ANTXRL: variants seen among roughly 807,000 people sequenced by gnomAD.
The protein encoded by ANTXRL is ANTXR like, also known as anthrax toxin receptor-like.
Under a neutral mutation model 75.4 loss-of-function variants are expected in ANTXRL, and 63 were observed. The observed-to-expected ratio is 0.84, with a 90% CI of 0.68 to 1.03. ANTXRL has a LOEUF of 1.03. Ranked by LOEUF, ANTXRL falls within the 50% of genes least tolerant of loss-of-function variation. The probability of loss-of-function intolerance (pLI) is 0.00; values close to 1 mark genes in which losing one functional copy is unlikely to be tolerated. For synonymous variants in ANTXRL, 335 were observed against 291.3 expected, an observed-to-expected ratio of 1.15 and a Z score of -1.53; for missense variants, 797 against 789.4, an observed-to-expected ratio of 1.01 and a Z score of -0.12.
At chr10:46,308,424 CCTCCT>C (rs1554962532) in intron 12 of ANTXRL, 2 of 366,234 alleles carry the variant, frequency 5.5e-6, no homozygotes, top group South Asian at 2.0e-5. Context: ...CCTCCCCTCC[CCTCCT>C]CTCCACTCCC....
chr10:46,289,457 A>G (rs1413926654), intron 1 of ANTXRL, among the ~76,000 whole-genome samples: 9 of 152,198 alleles, frequency 5.9e-5, no homozygotes, highest in Non-Finnish European at 1.0e-4. Context: ...AGCCGGGAGC[A>G]GTAGCTCCCT....
intron 9 of ANTXRL, among the ~76,000 whole-genome samples, chr10:46,298,518 CGT>C (rs148829924): frequency 3.4e-5 from 5 of 148,994 alleles, no homozygotes; most frequent in Non-Finnish European, 6.0e-5. Context: ...AGCATATATG[CGT>C]GTGTGTGTGT....
chr10:46,291,960 G>A, intron 1 of ANTXRL, 98 bp from the exon 2 acceptor site: 1 of 1,134,556 alleles, frequency 8.8e-7, no homozygotes, highest in Non-Finnish European at 1.3e-6. Flanking sequence ...GGTCAGGAGA[G>A]CTTGTTAAGA....
intron 1 of ANTXRL, among the ~76,000 whole-genome samples, chr10:46,288,947 G>C (rs546694741): frequency 4.6e-5 from 7 of 152,284 alleles, no homozygotes; most frequent in Admixed American, 4.6e-4. Flanking sequence ...TTCTAAGGAG[G>C]AGGCAATGAG....
chr10:46,327,557 C>A (rs1839283635), intron 16 of ANTXRL, among the ~76,000 whole-genome samples: 1 of 152,022 alleles, frequency 6.6e-6, no homozygotes, highest in South Asian at 2.1e-4. Context: ...ACTAGCAGGG[C>A]AGGGGCAGGA....
At chr10:46,299,699 A>G (rs1554959982) in intron 9 of ANTXRL, among the ~76,000 whole-genome samples, 1 of 152,214 alleles carries the variant, frequency 6.6e-6, no homozygotes, top group Non-Finnish European at 1.5e-5. Flanking sequence ...GCACACGACC[A>G]GGAGCAAATT....
At chr10:46,307,254 C>G in intron 11 of ANTXRL, 148 bp from the exon 12 acceptor site, 1 of 671,760 alleles carries the variant, frequency 1.5e-6, no homozygotes, top group East Asian at 2.7e-5. Flanking sequence ...CAGGGCCCCT[C>G]ACTGTCTGAC....
At chr10:46,323,025 A>G (rs1397797856) in intron 16 of ANTXRL, among the ~76,000 whole-genome samples, 1 of 152,164 alleles carries the variant, frequency 6.6e-6, no homozygotes, top group Non-Finnish European at 1.5e-5. Flanking sequence ...TTATTTAATG[A>G]GGATCCCACT....
chr10:46,295,797 A>G (rs1588799573), intron 3 of ANTXRL, among the ~76,000 whole-genome samples: 1 of 152,130 alleles, frequency 6.6e-6, no homozygotes. Flanking sequence ...GCCCTGGTGA[A>G]GTTCCCCAGG....
chr10:46,311,611 T>A lies in ANTXRL; in HGVS notation c.1275T>A (p.Thr425=). 2.2e-6 allele frequency: 3 copies of A among 1,377,644 alleles called. No individual in the cohort carries two copies. Among genetic ancestry groups the A allele is most frequent in the Non-Finnish European group, 3.0e-6 (3 of 1,002,458 alleles). 85.3% of individuals were successfully genotyped at this position (1,377,644 alleles called of 1,614,324 possible). The stretch of plus-strand genomic sequence containing the variant: ...CAGCTCCTGTAAACACCTGCCCCAC[T>A]GTGATTATTTGTTGCTGTGGATGCC... ...PPPAPVNTCP[T]VIICCCGCQG... The change falls in exon 15 of 17, where the codon ACT becomes ACA. Residue 425 remains threonine, a synonymous_variant. Transcript: ENST00000620264.
rs1348144166 is a variant in ANTXRL at position 46,287,019 on chromosome 10, AG to A, written c.-241del. 1.8e-6 allele frequency: 1 copy of A among 568,646 alleles called. No individual in the cohort carries two copies. The highest frequency in any genetic ancestry group is 1.9e-5 in the African/African-American group (1 of 53,190). 35.2% of individuals were successfully genotyped at this position (568,646 alleles called of 1,614,324 possible). Reference sequence around the variant, plus strand: ...AACCATAACAGAGAATTCTGTCCCCAGGGTGGGGGAAGGGCCAGGCAGGTAG... The same window carrying A: ...AACCATAACAGAGAATTCTGTCCCCAGGTGGGGGAAGGGCCAGGCAGGTAG... On this transcript the variant is annotated 5_prime_UTR_variant, in exon 1 of 17. Coordinates refer to ENST00000620264, the MANE Select transcript of ANTXRL (RefSeq NM_001278688.3).
At chr10:46,290,706 G>A (rs1316558693) in intron 1 of ANTXRL, among the ~76,000 whole-genome samples, 1 of 152,122 alleles carries the variant, frequency 6.6e-6, no homozygotes, top group Non-Finnish European at 1.5e-5. Flanking sequence ...CTTTTCATGT[G>A]CTTATTGGCC....
intron 14 of ANTXRL, 120 bp downstream of exon 14, chr10:46,310,619 AG>A (rs1838364416): frequency 9.0e-7 from 1 of 1,106,000 alleles, no homozygotes. Flanking sequence ...AAGTTGACAG[AG>A]GGGCAGAATG....
chr10:46,299,634 G>A (rs1837597273), intron 9 of ANTXRL, among the ~76,000 whole-genome samples: 1 of 152,162 alleles, frequency 6.6e-6, no homozygotes, highest in Non-Finnish European at 1.5e-5. Flanking sequence ...GGGTGTCCTG[G>A]CGGTAGGCTG....
chr10:46,294,835 C>CG (rs1837270431), intron 3 of ANTXRL, among the ~76,000 whole-genome samples: 1 of 124,854 alleles, frequency 8.0e-6, no homozygotes, highest in Admixed American at 8.1e-5. Context: ...CTGGGCTGGG[C>CG]AGGCAGGGCT....
chr10:46,310,344 C>T (rs1838350140), intron 13 of ANTXRL, 117 bp from the exon 14 acceptor site: 1 of 983,290 alleles, frequency 1.0e-6, no homozygotes, highest in African/African-American at 1.6e-5. Context: ...CAGAGTGACA[C>T]CCCAAAGGCA....
At chr10:46,299,230 T>C (rs1423413940) in intron 9 of ANTXRL, among the ~76,000 whole-genome samples, 1 of 151,840 alleles carries the variant, frequency 6.6e-6, no homozygotes, top group Non-Finnish European at 1.5e-5. Flanking sequence ...GAAGTAGGGG[T>C]GTCAACATCC....
chr10:46,292,289 C>T (rs1837025202), intron 2 of ANTXRL, among the ~76,000 whole-genome samples, 160 bp downstream of exon 2: 1 of 152,138 alleles, frequency 6.6e-6, no homozygotes. Flanking sequence ...GAGGCCAGCA[C>T]TCACTGGTTC....
intron 1 of ANTXRL, among the ~76,000 whole-genome samples, chr10:46,290,147 T>C (rs1334783368): frequency 1.3e-5 from 2 of 150,002 alleles, no homozygotes; most frequent in Non-Finnish European, 2.9e-5. Flanking sequence ...TTTCAAGCGA[T>C]TCTCCCTGCA....
Sources: gnomAD v4.1 joint callset for allele counts (sites outside exome capture counted in the v4.1 genomes callset) on GRCh38, gnomAD v4.1.1 for gene constraint, MANE v1.5 for transcripts, NCBI Gene and HGNC (gene_info 2026-07-23, HGNC 2026-07-21) for gene names.